Variants in VEPH1 observed in about 807,000 individuals in gnomAD.
VEPH1 encodes ventricular zone-expressed PH domain-containing protein homolog 1.
Under a neutral mutation model 85.2 loss-of-function variants are expected in VEPH1, and 80 were observed. That is an observed-to-expected ratio of 0.94 (90% CI 0.78 to 1.13). The LOEUF (loss-of-function observed/expected upper bound fraction) is 1.13. Among genes scored for constraint, VEPH1 ranks in the 50% most tolerant of loss-of-function variants. The pLI, the probability that VEPH1 is intolerant of heterozygous loss-of-function variation, is 0.00. For missense variants in VEPH1, 955 were observed against 980.5 expected (o/e 0.97, Z 0.35); for synonymous variants, 297 against 348.0 (o/e 0.85, Z 1.63).
In VEPH1 at chr3:157,311,906, T is replaced by G. The variant is rs1236241367; in HGVS notation, c.2010+1715A>C. Among the ~76,000 whole-genome samples the G allele has an allele frequency of 2.0e-5, 3 of 152,226 alleles. No homozygotes were observed. The East Asian group carries it at 5.8e-4, about 29-fold the overall frequency. ...CACTGAGGCAATTGTGGCATTTCCT[T>G]TATTTTTAATACTGCATGTTGAATT... On this transcript the variant is annotated intron_variant, in intron 11 of 13. Transcript: ENST00000362010.
chr3:157,383,113 G>A (rs1172234105), intron 6 of VEPH1, among the ~76,000 whole-genome samples: 1 of 152,154 alleles, frequency 6.6e-6, no homozygotes, highest in Non-Finnish European at 1.5e-5. Context: ...ACAGGCGTGA[G>A]CCACCGTGTC....
intron 2 of VEPH1, among the ~76,000 whole-genome samples, chr3:157,470,959 C>T (rs953193728): frequency 2.0e-5 from 3 of 152,130 alleles, no homozygotes; most frequent in Admixed American, 6.5e-5. Context: ...CATAATGGAA[C>T]ACATCATTTC....
Position 157,260,840 on chromosome 3 carries a change from C to G in VEPH1, c.*294G>C. The G allele has an allele frequency of 3.4e-6, 1 of 296,780 alleles. No individual in the cohort carries two copies. The highest frequency in any genetic ancestry group is 6.3e-6 in the Non-Finnish European group (1 of 159,778). The allele number at this position is 296,780 out of a possible 1,614,324, so 18.4% of individuals were successfully genotyped here. A position where few individuals can be genotyped will look rare whatever the true frequency, so the allele number is the denominator to read the frequency against. On this transcript the variant is annotated 3_prime_UTR_variant, in exon 14 of 14. Transcript: ENST00000362010. ...GACATATCTACAGAAGTTCTTTTAT[C>G]AGTGACTTTTCCCTTCCTGGCCCCA... is the stretch of plus-strand genomic sequence containing the variant.
At chr3:157,368,256 C>A (rs144164926) in intron 7 of VEPH1, among the ~76,000 whole-genome samples, 1,645 of 152,244 alleles carry the variant, frequency 0.011, 15 homozygotes, top group South Asian at 0.022. Flanking sequence ...TCTCCAGTGA[C>A]CAGATATTGG....
At chr3:157,498,353 A>G (rs954362244) in intron 1 of VEPH1, among the ~76,000 whole-genome samples, 2 of 152,222 alleles carry the variant, frequency 1.3e-5, no homozygotes, top group Non-Finnish European at 2.9e-5. Context: ...GTCACAGGTG[A>G]TAAAGTGTAA....
chr3:157,351,938 G>C (rs779653219), intron 9 of VEPH1, among the ~76,000 whole-genome samples: 1 of 152,326 alleles, frequency 6.6e-6, no homozygotes, highest in South Asian at 2.1e-4. Context: ...AATGAAAAAT[G>C]TCCCTAGACA....
chr3:157,435,385 C>A (rs1452163421), intron 4 of VEPH1, among the ~76,000 whole-genome samples: 1 of 152,162 alleles, frequency 6.6e-6, no homozygotes. Flanking sequence ...GAATTCTAAA[C>A]ATATCTGAGG....
Position 157,298,870 on chromosome 3 carries a change from A to AT in VEPH1, c.2011-12197dup, listed in dbSNP as rs138146073. Among the ~76,000 whole-genome samples, 958 of 152,266 alleles carry AT rather than the reference A, an allele frequency of 6.3e-3. 17 individuals carry two copies. Among genetic ancestry groups the AT allele is most frequent in the African/African-American group, 0.022 (900 of 41,550 alleles). On this transcript the variant is annotated intron_variant, in intron 11 of 13. Transcript: ENST00000362010. ...AGGGTAATATGTCCCTACAACCAAC[A>AT]TTTTTCCAATCCACATGCAACTTTC...
At chr3:157,496,250 T>C (rs1739657218) in intron 1 of VEPH1, among the ~76,000 whole-genome samples, 1 of 152,222 alleles carries the variant, frequency 6.6e-6, no homozygotes, top group South Asian at 2.1e-4. Context: ...AGTCCCACTA[T>C]ATTTCTCACC....
chr3:157,437,213 G>A, intron 4 of VEPH1: 1 of 1,138,304 alleles, frequency 8.8e-7, no homozygotes. Context: ...GAAAGATGGA[G>A]GTTTCAAAGT....
intron 5 of VEPH1, among the ~76,000 whole-genome samples, chr3:157,426,359 C>T (rs972037813): frequency 1.3e-5 from 2 of 152,106 alleles, no homozygotes; most frequent in East Asian, 1.9e-4. Flanking sequence ...AAGCATAGTG[C>T]GAAGAGAGCC....
At chr3:157,434,898 C>A (rs950558378) in intron 4 of VEPH1, among the ~76,000 whole-genome samples, 4 of 151,974 alleles carry the variant, frequency 2.6e-5, no homozygotes, top group Admixed American at 6.6e-5. Context: ...TAATTAATTT[C>A]TTTTTCGTCC....
At chr3:157,413,684 C>A in intron 6 of VEPH1, 197 bp downstream of exon 6, 1 of 980,088 alleles carries the variant, frequency 1.0e-6, no homozygotes, top group Non-Finnish European at 1.2e-6. Flanking sequence ...GAAATTGGGA[C>A]TCCCAGAAAT....
chr3:157,444,411 G>T (rs986729320), intron 4 of VEPH1, among the ~76,000 whole-genome samples: 2 of 152,174 alleles, frequency 1.3e-5, no homozygotes, highest in African/African-American at 2.4e-5. Context: ...AATAATTTTT[G>T]AGTATGTTCA....
intron 4 of VEPH1, chr3:157,437,692 G>T: frequency 6.5e-7 from 1 of 1,533,030 alleles, no homozygotes. Flanking sequence ...GAGGCCGTGC[G>T]CGCCGGGGGC....
intron 2 of VEPH1, among the ~76,000 whole-genome samples, chr3:157,476,597 A>G (rs753599077): frequency 1.3e-5 from 2 of 152,194 alleles, no homozygotes; most frequent in African/African-American, 2.4e-5. Context: ...TCAACCTTAT[A>G]TCCTGTTAAG....
chr3:157,405,889 C>T (rs1731103605), intron 6 of VEPH1, among the ~76,000 whole-genome samples: 1 of 152,118 alleles, frequency 6.6e-6, no homozygotes, highest in Non-Finnish European at 1.5e-5. Flanking sequence ...TCTGTGTCCC[C>T]ATCACCAGTA....
chr3:157,303,101 C>T (rs1719022493), intron 11 of VEPH1, among the ~76,000 whole-genome samples: 1 of 152,158 alleles, frequency 6.6e-6, no homozygotes, highest in Non-Finnish European at 1.5e-5. Context: ...GTGTGACTTA[C>T]ATTTGAAGAG....
rs1234686711 is a variant in VEPH1, at chr3:157,313,604, A to T, written c.2010+17T>A. 6.2e-7 allele frequency: 1 copy of T among 1,612,554 alleles called. No homozygotes were observed. The highest frequency in any genetic ancestry group is 8.5e-7 in the Non-Finnish European group (1 of 1,178,820). ...TAAATCTTGGCCTGTAACATGGCCA[A>T]GGAAAGGAATATTTACCTTCTGCTG... is the stretch of plus-strand genomic sequence containing the variant. On this transcript the variant is annotated intron_variant, in intron 11 of 13. Transcript: ENST00000362010.
Sources: allele counts gnomAD v4.1 joint callset (sites outside exome capture counted in the v4.1 genomes callset), GRCh38; gene constraint gnomAD v4.1.1; transcripts MANE v1.5; gene names NCBI Gene and HGNC (gene_info 2026-07-23, HGNC 2026-07-21).